The following PRKN variants were observed in gnomAD, a reference collection of about 807,000 sequenced individuals.
The protein encoded by PRKN is E3 ubiquitin-protein ligase parkin.
Under a neutral mutation model 59.5 loss-of-function variants are expected in PRKN, and 56 were observed. The ratio of observed to expected loss-of-function variants is 0.94; its 90% confidence interval spans 0.76 to 1.18. PRKN has a LOEUF of 1.18. PRKN is among the 50% of genes most tolerant of loss of function. PRKN has a pLI of 0.00. For synonymous variants in PRKN, 250 were observed against 222.1 expected, an observed-to-expected ratio of 1.13 and a Z score of -1.12; for missense variants, 657 against 596.4, an observed-to-expected ratio of 1.10 and a Z score of -1.06.
chr6:162,568,146 C>T (rs759927513), intron 1 of PRKN, among the ~76,000 whole-genome samples: 6 of 152,134 alleles, frequency 3.9e-5, no homozygotes, highest in Non-Finnish European at 7.3e-5. Flanking sequence ...TAGAAAACCT[C>T]AAACTATGAA....
intron 4 of PRKN, among the ~76,000 whole-genome samples, chr6:162,058,022 C>T (rs1777934898): frequency 6.6e-6 from 1 of 152,134 alleles, no homozygotes; most frequent in Non-Finnish European, 1.5e-5. Context: ...CATCTTGCCC[C>T]TTTGTTTGTT....
intron 6 of PRKN, among the ~76,000 whole-genome samples, chr6:161,900,928 A>ATATATATATTTTT (rs377615355): frequency 7.0e-6 from 1 of 143,512 alleles, no homozygotes; most frequent in African/African-American, 2.6e-5. Flanking sequence ...ATATATATAT[A>ATATATATATTTTT]TTTTTTAGAT....
Position 161,991,425 on chromosome 6 carries a change from G to A in PRKN, c.619-18008C>T, listed in dbSNP as rs554716455. Among the ~76,000 whole-genome samples the A allele has an allele frequency of 3.7e-4, 57 of 152,176 alleles. 1 individual carries two copies. Among genetic ancestry groups the A allele is most frequent in the Non-Finnish European group, 3.7e-4 (25 of 67,996 alleles). On this transcript the variant is annotated intron_variant, in intron 5 of 11. Coordinates refer to ENST00000366898, the MANE Select transcript of PRKN (RefSeq NM_004562.3). ...GGGAAAGAAGGAACAAAGCATATGC[G>A]AAACAACCAGAAACAACTAATAAAA...
At chr6:161,978,628 C>A (rs977279999) in intron 5 of PRKN, among the ~76,000 whole-genome samples, 1 of 152,250 alleles carries the variant, frequency 6.6e-6, no homozygotes, top group Non-Finnish European at 1.5e-5. Flanking sequence ...AAGTCAAAGA[C>A]AGGAAAGCTT....
intron 1 of PRKN, among the ~76,000 whole-genome samples, chr6:162,670,556 T>C (rs927899048): frequency 6.6e-6 from 1 of 152,166 alleles, no homozygotes; most frequent in Non-Finnish European, 1.5e-5. Flanking sequence ...TTGTATTGGC[T>C]TTCGTAGGGG....
chr6:162,261,973 C>T (rs1779907253), intron 3 of PRKN, among the ~76,000 whole-genome samples: 1 of 152,140 alleles, frequency 6.6e-6, no homozygotes, highest in South Asian at 2.1e-4. Context: ...TCAACTTCTA[C>T]CCTGTAAAGT....
At chr6:162,088,853 G>T (rs1583015127) in intron 4 of PRKN, among the ~76,000 whole-genome samples, 1 of 152,134 alleles carries the variant, frequency 6.6e-6, no homozygotes, top group East Asian at 1.9e-4. Context: ...CTCAATAAAC[G>T]GCATATGCAA....
intron 6 of PRKN, among the ~76,000 whole-genome samples, chr6:161,900,991 C>T (rs915715884): frequency 6.6e-6 from 1 of 150,648 alleles, no homozygotes; most frequent in East Asian, 1.9e-4. Flanking sequence ...GCTTGGCTCA[C>T]TGCAACCTCT....
intron 2 of PRKN, among the ~76,000 whole-genome samples, chr6:162,279,984 G>A (rs571278981): frequency 6.6e-6 from 1 of 152,206 alleles, no homozygotes; most frequent in East Asian, 1.9e-4. Context: ...ATCAGACTAA[G>A]ATCGCAAACT....
At chr6:161,737,514 T>G (rs924867948) in intron 7 of PRKN, among the ~76,000 whole-genome samples, 8 of 152,230 alleles carry the variant, frequency 5.3e-5, no homozygotes, top group African/African-American at 1.9e-4. Context: ...AGATCTAATA[T>G]GATCACATTT....
chr6:162,573,801 T>C (rs1054829322), intron 1 of PRKN, among the ~76,000 whole-genome samples: 7 of 152,220 alleles, frequency 4.6e-5, no homozygotes, highest in African/African-American at 1.4e-4. Context: ...TTCTGAATTA[T>C]GATTTATATA....
Position 161,497,658 on chromosome 6 carries a change from G to A in PRKN, c.1083+51196C>T, listed in dbSNP as rs1336812490. The stretch of plus-strand genomic sequence containing the variant: ...CAAAGTATTTTCAGCTGCTCTTCTC[G>A]CTCCTTTCCCTTTCAATTCAGAAGG... On this transcript the variant is annotated intron_variant, in intron 9 of 11. Coordinates refer to ENST00000366898, the MANE Select transcript of PRKN (RefSeq NM_004562.3). This position sits in a 1 kb window ranked among gnomAD's most constrained non-coding sequence, Gnocchi z 4.6. 2.6e-5 allele frequency among the ~76,000 whole-genome samples: 4 copies of A among 151,104 alleles called. No individual in the cohort carries two copies. Among genetic ancestry groups the A allele is most frequent in the Admixed American group, 1.3e-4 (2 of 15,164 alleles).
chr6:162,341,423 T>G (rs181618294), intron 2 of PRKN, among the ~76,000 whole-genome samples: 36 of 152,224 alleles, frequency 2.4e-4, no homozygotes, highest in African/African-American at 8.4e-4. Flanking sequence ...ACCCAAAGGA[T>G]TATAAATCAT....
intron 6 of PRKN, among the ~76,000 whole-genome samples, chr6:161,969,008 C>CA (rs1455176968): frequency 1.3e-5 from 2 of 151,972 alleles, no homozygotes; most frequent in Admixed American, 6.6e-5. Flanking sequence ...TCATAAATAA[C>CA]AAAATAATAA....
rs1344656881 is a variant in PRKN, at chr6:161,390,762, TACAGGCATGAGCC to T, written c.1084-3898_1084-3886del. ...CCTCGGCCTCCCAAAGTGCTGGGAT[TACAGGCATGAGCC>T]ACCGTGCCTGGCCAAGACGTGATTA... is the stretch of plus-strand genomic sequence containing the variant. On this transcript the variant is annotated intron_variant, in intron 9 of 11. Coordinates refer to ENST00000366898, the MANE Select transcript of PRKN (RefSeq NM_004562.3). The surrounding 1 kb of genome is among the most constrained non-coding windows in gnomAD (Gnocchi z 7.0). 4.6e-5 allele frequency among the ~76,000 whole-genome samples: 7 copies of T among 152,188 alleles called. No homozygotes were observed. Among genetic ancestry groups the T allele is most frequent in the Admixed American group, 6.5e-5 (1 of 15,286 alleles).
intron 4 of PRKN, among the ~76,000 whole-genome samples, chr6:162,109,055 G>A (rs530734965): frequency 1.3e-3 from 191 of 152,290 alleles, no homozygotes; most frequent in African/African-American, 4.4e-3. Context: ...TTAATTTCAT[G>A]GGGTGGATTA....
Position 161,943,981 on chromosome 6 carries a change from C to G in PRKN, c.734+29321G>C, listed in dbSNP as rs1243734388. Among the ~76,000 whole-genome samples the G allele has an allele frequency of 3.5e-3, 515 of 148,018 alleles. 12 individuals are homozygous for G. The highest frequency in any genetic ancestry group is 0.012 in the African/African-American group (486 of 39,296). On this transcript the variant is annotated intron_variant, in intron 6 of 11. Coordinates refer to ENST00000366898, the MANE Select transcript of PRKN (RefSeq NM_004562.3). ...GCCTTGAGGAAGCAGCCTGAGGAAG[C>G]AGCCTGAGGAAGGAGCCTGAGGAAG...
At chr6:162,347,293 A>G (rs956939637) in intron 2 of PRKN, among the ~76,000 whole-genome samples, 4 of 151,280 alleles carry the variant, frequency 2.6e-5, no homozygotes, top group Non-Finnish European at 5.9e-5. Context: ...TTGAAGAGCC[A>G]TTATAGCCAC....
intron 6 of PRKN, among the ~76,000 whole-genome samples, chr6:161,957,819 G>A (rs1474909132): frequency 1.3e-5 from 2 of 152,162 alleles, no homozygotes; most frequent in South Asian, 2.1e-4. Context: ...AAAGAAAGCA[G>A]AGGGCTTGCG....
Sources: allele counts gnomAD v4.1 joint callset (sites outside exome capture counted in the v4.1 genomes callset), GRCh38; gene constraint gnomAD v4.1.1; non-coding constraint Gnocchi (gnomAD v3.1); transcripts MANE v1.5; gene names NCBI Gene and HGNC (gene_info 2026-07-23, HGNC 2026-07-21).